PALM2AKAP2: variants seen among roughly 807,000 people sequenced by gnomAD.
PALM2AKAP2 encodes the protein PALM2-AKAP2 fusion protein.
A neutral mutation model predicts 71.5 loss-of-function variants in PALM2AKAP2; 37 were observed. That is an observed-to-expected ratio of 0.52 (90% confidence interval 0.40 to 0.68). The LOEUF (loss-of-function observed/expected upper bound fraction) is 0.68. PALM2AKAP2 is among the 30% of genes least tolerant of loss of function. PALM2AKAP2 has a pLI of 0.00. For synonymous variants in PALM2AKAP2, 468 were observed against 478.8 expected (o/e 0.98, Z 0.29); for missense variants, 1,224 against 1,191.8 (o/e 1.03, Z -0.40).
intron 6 of PALM2AKAP2, among the ~76,000 whole-genome samples, chr9:109,954,970 T>C (rs1400976952): frequency 6.6e-6 from 1 of 152,154 alleles, no homozygotes; most frequent in Admixed American, 6.5e-5. Context: ...CCATATTCCG[T>C]TGTTCATCAC....
At chr9:110,046,758 TC>T (rs1191341740), upstream of PALM2AKAP2, among the ~76,000 whole-genome samples, 1 of 152,168 alleles carries the variant, frequency 6.6e-6, no homozygotes, top group Non-Finnish European at 1.5e-5. Context: ...GTGAGCCACT[TC>T]ACCCGGCCTT....
chr9:109,851,262 A>G (rs1829009617), intron 1 of PALM2AKAP2, among the ~76,000 whole-genome samples: 1 of 152,104 alleles, frequency 6.6e-6, no homozygotes, highest in African/African-American at 2.4e-5. Context: ...TGCCCAGACC[A>G]ATAAGATCAA....
chr9:109,693,605 G>A lies in PALM2AKAP2; in HGVS notation c.5+52739G>A, dbSNP rs561305039. Among the ~76,000 whole-genome samples the A allele has an allele frequency of 5.9e-5, 9 of 151,924 alleles. No homozygotes were observed. The South Asian group carries it at 1.5e-3, about 25-fold the overall frequency. Reference sequence around the variant, plus strand: ...TCTACACTATAAATTCTCTCTAGTCGTTAGTTTAGCTGCCTCTCATAATTG... The same window carrying A: ...TCTACACTATAAATTCTCTCTAGTCATTAGTTTAGCTGCCTCTCATAATTG... On this transcript the variant is annotated intron_variant, in intron 1 of 6. Transcript: ENST00000374531.
intron 1 of PALM2AKAP2, among the ~76,000 whole-genome samples, chr9:109,784,563 G>A (rs1826911720): frequency 6.6e-6 from 1 of 152,236 alleles, no homozygotes; most frequent in Non-Finnish European, 1.5e-5. Flanking sequence ...AACTCAGAGT[G>A]AACACTGAAA....
At chr9:109,689,349 C>A (rs1311013024) in intron 1 of PALM2AKAP2, among the ~76,000 whole-genome samples, 1 of 151,678 alleles carries the variant, frequency 6.6e-6, no homozygotes, top group Non-Finnish European at 1.5e-5. Context: ...ATTACAGGCG[C>A]CCACCATGCC....
At chr9:109,777,747 A>C (rs1829368197), upstream of PALM2AKAP2, among the ~76,000 whole-genome samples, 1 of 147,192 alleles carries the variant, frequency 6.8e-6, no homozygotes, top group Non-Finnish European at 1.5e-5. Flanking sequence ...CCTGTTGAAA[A>C]CCTCTTTCCT....
intron 3 of PALM2AKAP2, among the ~76,000 whole-genome samples, chr9:110,157,220 G>T (rs1242661687): frequency 6.6e-6 from 1 of 152,150 alleles, no homozygotes; most frequent in Non-Finnish European, 1.5e-5. Context: ...ACCTCCTGTG[G>T]GTCTTCTGGC....
intron 6 of PALM2AKAP2, among the ~76,000 whole-genome samples, chr9:109,986,204 A>G (rs1832375709): frequency 1.3e-5 from 2 of 152,190 alleles, no homozygotes; most frequent in African/African-American, 4.8e-5. Flanking sequence ...GAGCTGCGTG[A>G]AAGTTTAGGG....
chr9:109,809,987 C>A (rs896736420), intron 1 of PALM2AKAP2, among the ~76,000 whole-genome samples: 1 of 152,214 alleles, frequency 6.6e-6, no homozygotes, highest in Non-Finnish European at 1.5e-5. Context: ...AAACCTCTTT[C>A]CTTTTTAAAT....
At chr9:110,068,061 A>C (rs957905131) in intron 1 of PALM2AKAP2, among the ~76,000 whole-genome samples, 1 of 139,944 alleles carries the variant, frequency 7.1e-6, no homozygotes, top group Non-Finnish European at 1.5e-5. Flanking sequence ...TTGGGTTTAG[A>C]GTTGTATTTG....
chr9:109,908,095 C>G (rs1830488958), intron 3 of PALM2AKAP2, among the ~76,000 whole-genome samples: 1 of 152,184 alleles, frequency 6.6e-6, no homozygotes, highest in South Asian at 2.1e-4. Context: ...TGAGCACAGG[C>G]TGTGTGCAAA....
intron 7 of PALM2AKAP2, among the ~76,000 whole-genome samples, chr9:110,041,215 A>T (rs1833506292): frequency 6.6e-6 from 1 of 151,726 alleles, no homozygotes; most frequent in Non-Finnish European, 1.5e-5. Context: ...TTTCTCCTAC[A>T]TAGATACCCA....
intron 6 of PALM2AKAP2, among the ~76,000 whole-genome samples, chr9:109,969,531 C>T (rs989565528): frequency 1.3e-5 from 2 of 152,228 alleles, no homozygotes. Flanking sequence ...CAAACTCAGT[C>T]GTTCACGGGG....
At chr9:110,152,082 C>A (rs139194403) in intron 2 of PALM2AKAP2, among the ~76,000 whole-genome samples, 33 of 152,218 alleles carry the variant, frequency 2.2e-4, no homozygotes, top group African/African-American at 7.7e-4. Context: ...AGTAAAAATA[C>A]AAAAATTAGC....
chr9:109,915,914 A>G (rs1224087935), intron 3 of PALM2AKAP2, among the ~76,000 whole-genome samples: 2 of 151,804 alleles, frequency 1.3e-5, no homozygotes, highest in East Asian at 3.9e-4. Flanking sequence ...GATTCAACTG[A>G]CCAACACCCA....
chr9:109,731,218 G>A (rs921322438), intron 1 of PALM2AKAP2, among the ~76,000 whole-genome samples: 1 of 152,108 alleles, frequency 6.6e-6, no homozygotes, highest in African/African-American at 2.4e-5. Flanking sequence ...TTTCCTAATG[G>A]TTCCATCTCT....
chr9:109,906,773 A>G (rs78365094), intron 3 of PALM2AKAP2, among the ~76,000 whole-genome samples: 2,485 of 152,338 alleles, frequency 0.016, 63 homozygotes, highest in African/African-American at 0.057. Context: ...TTTCTAGAAC[A>G]TAGCCAATCC....
chr9:110,071,867 G>A (rs527853105), intron 1 of PALM2AKAP2, among the ~76,000 whole-genome samples: 4 of 152,200 alleles, frequency 2.6e-5, no homozygotes, highest in Non-Finnish European at 5.9e-5. Context: ...TATAGTCTTC[G>A]TAGGACTTGT....
intron 2 of PALM2AKAP2, among the ~76,000 whole-genome samples, chr9:110,143,089 C>T (rs1588134398): frequency 1.8e-5 from 2 of 113,968 alleles, no homozygotes; most frequent in African/African-American, 6.2e-5. Flanking sequence ...ATAGTGTGTG[C>T]ATGTGTGCCC....
Sources: gnomAD v4.1 joint callset for allele counts (sites outside exome capture counted in the v4.1 genomes callset) on GRCh38, gnomAD v4.1.1 for gene constraint, MANE v1.5 for transcripts, NCBI Gene and HGNC (gene_info 2026-07-23, HGNC 2026-07-21) for gene names.